GNG12: variants seen among roughly 807,000 people sequenced by gnomAD.
GNG12 encodes guanine nucleotide-binding protein G(I)/G(S)/G(O) subunit gamma-12.
For missense variants in GNG12, 69 were observed against 83.8 expected (o/e 0.82, Z 0.69); for synonymous variants, 28 against 29.7 (o/e 0.94, Z 0.19).
At chr1:67,795,501 G>GA (rs1240638918) in intron 1 of GNG12, among the ~76,000 whole-genome samples, 12 of 152,140 alleles carry the variant, frequency 7.9e-5, no homozygotes, top group Admixed American at 3.3e-4. Flanking sequence ...AAATGTATGA[G>GA]AAAAAATAAG....
intron 2 of GNG12, among the ~76,000 whole-genome samples, chr1:67,774,828 C>G (rs979633315): frequency 5.9e-5 from 9 of 152,070 alleles, no homozygotes; most frequent in Non-Finnish European, 8.8e-5. Flanking sequence ...ACATTTTAAC[C>G]AGGCATTTTG....
rs917092199 is a variant in GNG12 at position 67,705,584 on chromosome 1, G to A, written c.94-8C>T. On this transcript the variant is annotated splice_polypyrimidine_tract_variant and splice_region_variant and intron_variant, in intron 3 of 3. Coordinates refer to ENST00000370982, the MANE Select transcript of GNG12 (RefSeq NM_018841.6). ...CGCTGATGCCTTCGAAACCTGACAT[G>A]GAGATAAATCAAACAAACAAGAAAG... The A allele has an allele frequency of 1.3e-6, 2 of 1,599,086 alleles. No individual in the cohort carries two copies. The highest frequency in any genetic ancestry group is 1.7e-6 in the Non-Finnish European group (2 of 1,175,458).
chr1:67,793,744 T>C (rs1324839785), intron 1 of GNG12, among the ~76,000 whole-genome samples: 1 of 152,190 alleles, frequency 6.6e-6, no homozygotes, highest in African/African-American at 2.4e-5. Context: ...TGCACTCTTT[T>C]GCAAAGCTTC....
chr1:67,817,565 T>C (rs1180982430), intron 1 of GNG12, among the ~76,000 whole-genome samples: 1 of 140,700 alleles, frequency 7.1e-6, no homozygotes, highest in Admixed American at 7.5e-5. Context: ...GGCTCAGGCA[T>C]AGCCCGGCAC....
rs142653595 is a variant in GNG12, at chr1:67,755,457, T to A, written c.-27+22001A>T. Among the ~76,000 whole-genome samples, 661 of 152,316 alleles carry A rather than the reference T, an allele frequency of 4.3e-3. 4 individuals are homozygous for A. The highest frequency in any genetic ancestry group is 0.015 in the African/African-American group (632 of 41,580). On this transcript the variant is annotated intron_variant, in intron 2 of 3. Transcript: ENST00000370982. ...AGGGCAGCATTTGCATTTTGATAGA[T>A]CCTTGTATCTCCCAGAGGCTGGTGG...
At chr1:67,768,525 AATC>A (rs1646654511) in intron 2 of GNG12, among the ~76,000 whole-genome samples, 1 of 152,232 alleles carries the variant, frequency 6.6e-6, no homozygotes, top group Non-Finnish European at 1.5e-5. Flanking sequence ...GGTTTTTAGA[AATC>A]ATCATAATAG....
chr1:67,729,245 A>G (rs1470299874), intron 2 of GNG12, among the ~76,000 whole-genome samples: 2 of 152,134 alleles, frequency 1.3e-5, no homozygotes, highest in African/African-American at 4.8e-5. Flanking sequence ...AAGGGCTTGC[A>G]GAGGACTCTT....
At chr1:67,722,524 G>A (rs1646361812) in intron 2 of GNG12, among the ~76,000 whole-genome samples, 1 of 151,776 alleles carries the variant, frequency 6.6e-6, no homozygotes, top group Non-Finnish European at 1.5e-5. Context: ...GAGAAAGGAT[G>A]GTCAGTGAGG....
At chr1:67,724,645 C>T (rs986814390) in intron 2 of GNG12, among the ~76,000 whole-genome samples, 14 of 152,314 alleles carry the variant, frequency 9.2e-5, no homozygotes, top group Middle Eastern at 3.4e-3. Flanking sequence ...ACACCTTGGC[C>T]TCCCAAAGTG....
At chr1:67,791,601 CA>C (rs1172115170) in intron 1 of GNG12, among the ~76,000 whole-genome samples, 3 of 152,100 alleles carry the variant, frequency 2.0e-5, no homozygotes, top group African/African-American at 7.2e-5. Context: ...CCTTTCTCAC[CA>C]ACTGCATATC....
At chr1:67,731,817 G>A (rs1402671045) in intron 2 of GNG12, among the ~76,000 whole-genome samples, 1 of 152,176 alleles carries the variant, frequency 6.6e-6, no homozygotes, top group Admixed American at 6.5e-5. Context: ...GCATTGTTCT[G>A]CCTCTGTGGT....
At chr1:67,789,092 T>G (rs568526939) in intron 1 of GNG12, among the ~76,000 whole-genome samples, 6 of 152,312 alleles carry the variant, frequency 3.9e-5, no homozygotes, top group Non-Finnish European at 7.4e-5. Context: ...AGAGCAGTCC[T>G]TTCCTTACAA....
At chr1:67,754,077 C>G (rs895200972) in intron 2 of GNG12, among the ~76,000 whole-genome samples, 2 of 152,240 alleles carry the variant, frequency 1.3e-5, no homozygotes, top group African/African-American at 4.8e-5. Flanking sequence ...TGTTCCCGGT[C>G]GTGCCCGGAG....
At chr1:67,714,103 T>C (rs981036592) in intron 2 of GNG12, among the ~76,000 whole-genome samples, 1 of 152,058 alleles carries the variant, frequency 6.6e-6, no homozygotes, top group Non-Finnish European at 1.5e-5. Context: ...TTAACTCCAT[T>C]GTGTGTGTGT....
At chr1:67,767,112 G>T (rs1646645180) in intron 2 of GNG12, among the ~76,000 whole-genome samples, 1 of 152,116 alleles carries the variant, frequency 6.6e-6, no homozygotes, top group African/African-American at 2.4e-5. Context: ...ATTAGCTACA[G>T]GGCATTGGAA....
At chr1:67,777,835 CT>C (rs1160196287) in intron 1 of GNG12, among the ~76,000 whole-genome samples, 1 of 152,144 alleles carries the variant, frequency 6.6e-6, no homozygotes, top group Non-Finnish European at 1.5e-5. Context: ...TCTCTTTATG[CT>C]AGGGCCCAGC....
At chr1:67,764,035 C>G (rs991920211) in intron 2 of GNG12, among the ~76,000 whole-genome samples, 7 of 152,112 alleles carry the variant, frequency 4.6e-5, no homozygotes, top group African/African-American at 1.7e-4. Flanking sequence ...GAATATATTC[C>G]TTTGTTTGTT....
At chr1:67,728,353 G>A (rs1323059443) in intron 2 of GNG12, among the ~76,000 whole-genome samples, 4 of 152,166 alleles carry the variant, frequency 2.6e-5, no homozygotes, top group Admixed American at 6.5e-5. Flanking sequence ...TGGTCTCCCT[G>A]ATTGCTCTGT....
In GNG12 at chr1:67,777,489, G is replaced by A. The variant is rs140619732; in HGVS notation, c.-58C>T. Reference sequence around the variant, plus strand: ...GACTTTGTGTGGTCCAATGTTTTCAGGTTTTAAGTGGAATGAATCTGAAAT... The same window carrying A: ...GACTTTGTGTGGTCCAATGTTTTCAAGTTTTAAGTGGAATGAATCTGAAAT... On this transcript the variant is annotated 5_prime_UTR_variant, in exon 2 of 4. Transcript: ENST00000370982. 7.8e-6 allele frequency: 7 copies of A among 901,186 alleles called. No individual in the cohort carries two copies. Among genetic ancestry groups the A allele is most frequent in the East Asian group, 1.2e-4 (1 of 8,410 alleles). The allele number at this position is 901,186 out of a possible 1,614,324, so 55.8% of individuals were successfully genotyped here.
Sources: gnomAD v4.1 joint callset for allele counts (sites outside exome capture counted in the v4.1 genomes callset) on GRCh38, gnomAD v4.1.1 for gene constraint, MANE v1.5 for transcripts, NCBI Gene and HGNC (gene_info 2026-07-23, HGNC 2026-07-21) for gene names.